Variants in MAD1L1 observed in about 807,000 individuals in gnomAD.
The protein encoded by MAD1L1 is mitotic arrest deficient 1 like 1, also known as mitotic spindle assembly checkpoint protein MAD1.
MAD1L1 carries 95 observed loss-of-function variants against 96.9 expected under a neutral mutation model. That is an observed-to-expected ratio of 0.98 (90% CI 0.83 to 1.16). The LOEUF (loss-of-function observed/expected upper bound fraction) is 1.16, where lower values mean the gene tolerates loss of function less well. MAD1L1 is among the 50% of genes most tolerant of loss of function. MAD1L1 has a pLI of 0.00. For missense variants in MAD1L1, 1,007 were observed against 954.4 expected, an observed-to-expected ratio of 1.06 and a Z score of -0.73; for synonymous variants, 473 against 396.6, an observed-to-expected ratio of 1.19 and a Z score of -2.29.
At chr7:1,865,086 A>T (rs1784716346) in intron 18 of MAD1L1, among the ~76,000 whole-genome samples, 1 of 152,098 alleles carries the variant, frequency 6.6e-6, no homozygotes, top group South Asian at 2.1e-4. Context: ...TTCCGGGAGC[A>T]TCCCTGTCCC....
At position 2,146,336 on chromosome 7, in the gene MAD1L1, C is replaced by G. The variant is rs545388969; in HGVS notation, c.1073+2816G>C. The stretch of plus-strand genomic sequence containing the variant: ...GGCTACGAGGAACAGGGCACCGCCT[C>G]GAAGAGGGAGCACCGGGCACTGGGC... On this transcript the variant is annotated intron_variant, in intron 11 of 18. Transcript: ENST00000265854. This position sits in a 1 kb window ranked among gnomAD's most constrained non-coding sequence, Gnocchi z 6.2. Among the ~76,000 whole-genome samples, 233 of 148,708 alleles carry G rather than the reference C, an allele frequency of 1.6e-3. No individual in the cohort carries two copies. Among genetic ancestry groups the G allele is most frequent in the South Asian group, 4.5e-3 (20 of 4,428 alleles).
chr7:1,941,159 G>A (rs1329321330), intron 16 of MAD1L1, among the ~76,000 whole-genome samples: 3 of 152,240 alleles, frequency 2.0e-5, no homozygotes, highest in Non-Finnish European at 2.9e-5. Context: ...GGGGTCGGGG[G>A]TCAGCGGTGG....
chr7:2,080,819 C>A (rs1364826508), intron 11 of MAD1L1, among the ~76,000 whole-genome samples: 1 of 152,134 alleles, frequency 6.6e-6, no homozygotes, highest in African/African-American at 2.4e-5. Flanking sequence ...AACCTCCCTG[C>A]CAGGGAGGGA....
At chr7:2,215,812 G>C in intron 9 of MAD1L1, 73 bp downstream of exon 9, 1 of 1,395,850 alleles carries the variant, frequency 7.2e-7, no homozygotes, top group Non-Finnish European at 1.0e-6. Context: ...TGGTGGGCGT[G>C]ACCACAATAC....
At chr7:1,925,246 T>C (rs1010519204) in intron 17 of MAD1L1, among the ~76,000 whole-genome samples, 1 of 152,200 alleles carries the variant, frequency 6.6e-6, no homozygotes, top group African/African-American at 2.4e-5. Context: ...AAGTGAATCG[T>C]AGAAAGTGCG....
Position 1,904,516 on chromosome 7 carries a change from G to A in MAD1L1, c.1808-6126C>T, listed in dbSNP as rs1451488379. Reference sequence around the variant, plus strand: ...AGTGGCCTATGGAAGATGCTCTTGCGGAACTCATGATTGATCAAGCACTGT... The same window carrying A: ...AGTGGCCTATGGAAGATGCTCTTGCAGAACTCATGATTGATCAAGCACTGT... On this transcript the variant is annotated intron_variant, in intron 17 of 18. Transcript: ENST00000265854. 1.4e-3 allele frequency among the ~76,000 whole-genome samples: 169 copies of A among 119,872 alleles called. 21 individuals carry two copies. The highest frequency in any genetic ancestry group is 5.3e-3 in the African/African-American group (137 of 25,886). 78.6% of individuals were successfully genotyped at this position (119,872 alleles called of 152,430 possible). A position where few individuals can be genotyped will look rare whatever the true frequency, so the allele number is the denominator to read the frequency against.
intron 12 of MAD1L1, among the ~76,000 whole-genome samples, chr7:2,041,890 G>A (rs1783690335): frequency 6.6e-6 from 1 of 152,138 alleles, no homozygotes; most frequent in South Asian, 2.1e-4. Flanking sequence ...GCCTGGCCAC[G>A]CTGCACCCAG....
chr7:2,127,326 A>T (rs766647288), intron 11 of MAD1L1, among the ~76,000 whole-genome samples: 2 of 152,222 alleles, frequency 1.3e-5, no homozygotes, highest in Non-Finnish European at 2.9e-5. Flanking sequence ...CCCCAGCAAG[A>T]CACAGGAGGC....
At chr7:2,150,217 A>G (rs1204397056) in intron 10 of MAD1L1, among the ~76,000 whole-genome samples, 2 of 152,170 alleles carry the variant, frequency 1.3e-5, no homozygotes, top group African/African-American at 4.8e-5. Flanking sequence ...CCAGGCCCCC[A>G]GAGCAGCCTC....
chr7:2,002,276 G>A (rs1781833406), intron 13 of MAD1L1, among the ~76,000 whole-genome samples, 155 bp from the exon 14 acceptor site: 1 of 152,242 alleles, frequency 6.6e-6, no homozygotes, highest in South Asian at 2.1e-4. Context: ...AGGGTGGGCA[G>A]GGGCCAGTGT....
intron 12 of MAD1L1, among the ~76,000 whole-genome samples, chr7:2,042,752 G>A (rs1783743803): frequency 1.3e-5 from 2 of 152,290 alleles, no homozygotes; most frequent in Middle Eastern, 3.4e-3. Flanking sequence ...GAAGCTTCCT[G>A]GTACCTCAGC....
intron 18 of MAD1L1, among the ~76,000 whole-genome samples, chr7:1,844,446 G>A (rs1045747847): frequency 3.9e-5 from 6 of 152,150 alleles, no homozygotes; most frequent in African/African-American, 9.7e-5. Flanking sequence ...CCTGACACGC[G>A]AGGTGTGGGA....
At chr7:2,084,693 T>C (rs1309668902) in intron 11 of MAD1L1, among the ~76,000 whole-genome samples, 2 of 152,116 alleles carry the variant, frequency 1.3e-5, no homozygotes, top group Non-Finnish European at 2.9e-5. Context: ...CCCTCAGAAC[T>C]TGCCTCGCAC....
intron 10 of MAD1L1, among the ~76,000 whole-genome samples, chr7:2,204,919 A>C (rs555723830): frequency 2.0e-5 from 3 of 152,286 alleles, no homozygotes; most frequent in African/African-American, 7.2e-5. Flanking sequence ...GCTGCTCTGC[A>C]TCTCTGCCAG....
chr7:1,831,231 C>T lies in MAD1L1; in HGVS notation c.1999-15003G>A, dbSNP rs11978350. 4.7e-3 allele frequency among the ~76,000 whole-genome samples: 712 copies of T among 152,306 alleles called. 7 individuals carry two copies. Among genetic ancestry groups the T allele is most frequent in the African/African-American group, 0.016 (673 of 41,556 alleles). ...CTTCATGTCTGTGTCGTATATATTT[C>T]CAACTTTTTCATTACTAGTATATCT... On this transcript the variant is annotated intron_variant, in intron 18 of 18. Transcript: ENST00000265854.
chr7:2,037,461 G>A (rs1286427278), intron 12 of MAD1L1, among the ~76,000 whole-genome samples: 1 of 151,338 alleles, frequency 6.6e-6, no homozygotes, highest in African/African-American at 2.4e-5. Flanking sequence ...CCAACAGCAT[G>A]TGCTCCCTAC....
At chr7:2,149,301 C>A (rs1401254151) in intron 10 of MAD1L1, 63 bp from the exon 11 acceptor site, 4 of 1,381,270 alleles carry the variant, frequency 2.9e-6, no homozygotes, top group Non-Finnish European at 4.1e-6. Flanking sequence ...TGATTCTGCA[C>A]ACAAAACAGA....
chr7:1,904,489 G>C (rs541581848), intron 17 of MAD1L1, among the ~76,000 whole-genome samples: 1 of 134,054 alleles, frequency 7.5e-6, no homozygotes, highest in African/African-American at 3.3e-5. Context: ...CAGCGAGGAC[G>C]CAGTGGCCTA....
intron 14 of MAD1L1, among the ~76,000 whole-genome samples, chr7:1,989,630 C>G (rs372096366): frequency 6.6e-6 from 1 of 152,156 alleles, no homozygotes; most frequent in Non-Finnish European, 1.5e-5. Flanking sequence ...CCCGGCAGCG[C>G]TCCAGCCTCA....
Sources: allele counts gnomAD v4.1 joint callset (sites outside exome capture counted in the v4.1 genomes callset), GRCh38; gene constraint gnomAD v4.1.1; non-coding constraint Gnocchi (gnomAD v3.1); transcripts MANE v1.5; gene names NCBI Gene and HGNC (gene_info 2026-07-23, HGNC 2026-07-21).